The following BANK1 variants were observed in gnomAD, a reference collection of about 807,000 sequenced individuals.
BANK1 encodes the protein B cell scaffold protein with ankyrin repeats 1, also known as B-cell scaffold protein with ankyrin repeats.
A neutral mutation model predicts 94.5 loss-of-function variants in BANK1; 95 were observed. The ratio of observed to expected loss-of-function variants is 1.00; its 90% confidence interval spans 0.85 to 1.19. BANK1 has a LOEUF of 1.19. Among genes scored for constraint, BANK1 ranks in the 50% most tolerant of loss-of-function variants. The pLI is 0.00. For synonymous variants in BANK1, 334 were observed against 308.4 expected (o/e 1.08, Z -0.87); for missense variants, 987 against 932.2 (o/e 1.06, Z -0.77).
At chr4:102,026,875 A>T (rs1471562305) in intron 9 of BANK1, among the ~76,000 whole-genome samples, 1 of 151,748 alleles carries the variant, frequency 6.6e-6, no homozygotes, top group Admixed American at 6.6e-5. Flanking sequence ...AAGGCTCTCT[A>T]TGAAGACCCA....
At chr4:101,895,103 G>T (rs1722015869) in intron 5 of BANK1, among the ~76,000 whole-genome samples, 1 of 151,546 alleles carries the variant, frequency 6.6e-6, no homozygotes, top group Non-Finnish European at 1.5e-5. Flanking sequence ...TTTATTTCTT[G>T]AATCCATTTT....
intron 7 of BANK1, among the ~76,000 whole-genome samples, chr4:101,956,252 G>GA (rs1039440755): frequency 2.6e-5 from 4 of 152,074 alleles, no homozygotes; most frequent in East Asian, 3.9e-4. Flanking sequence ...CTCCTGCATG[G>GA]AAAAAAAGTG....
chr4:101,961,943 G>A (rs911040985), intron 7 of BANK1, among the ~76,000 whole-genome samples: 1 of 152,098 alleles, frequency 6.6e-6, no homozygotes, highest in African/African-American at 2.4e-5. Flanking sequence ...GCTTATATAA[G>A]TTCAGTCACC....
chr4:101,985,457 G>T lies in BANK1; in HGVS notation c.1207-36057G>T, dbSNP rs76514374. Among the ~76,000 whole-genome samples, 762 of 151,888 alleles carry T rather than the reference G, an allele frequency of 5.0e-3. 13 individuals carry two copies. The East Asian group carries it at 0.058, about 12-fold the overall frequency. On this transcript the variant is annotated intron_variant, in intron 7 of 16. Coordinates refer to ENST00000322953, the MANE Select transcript of BANK1 (RefSeq NM_017935.5). ...ATAAAATTAACAATCACTAAATCTG[G>T]TTTTTTTTAATTTAGTTTTCAAAAT... is the stretch of plus-strand genomic sequence containing the variant.
At chr4:101,915,201 A>G (rs938938025) in intron 6 of BANK1, among the ~76,000 whole-genome samples, 4 of 152,152 alleles carry the variant, frequency 2.6e-5, no homozygotes, top group African/African-American at 4.8e-5. Flanking sequence ...TGTTATGGTC[A>G]CCAATTGAAT....
chr4:101,970,479 C>G (rs1295558908), intron 7 of BANK1, among the ~76,000 whole-genome samples: 3 of 152,062 alleles, frequency 2.0e-5, no homozygotes, highest in African/African-American at 7.2e-5. Flanking sequence ...TCATTTTATT[C>G]TGTCTTTGTC....
chr4:101,908,033 T>G (rs959909271), intron 6 of BANK1, among the ~76,000 whole-genome samples: 1 of 152,188 alleles, frequency 6.6e-6, no homozygotes, highest in African/African-American at 2.4e-5. Context: ...AATGACTTTC[T>G]TCACAGAATT....
intron 10 of BANK1, among the ~76,000 whole-genome samples, chr4:102,037,264 C>A (rs1021108715): frequency 6.6e-6 from 1 of 152,164 alleles, no homozygotes; most frequent in African/African-American, 2.4e-5. Context: ...CACTGGACAG[C>A]CCCATAACAA....
intron 5 of BANK1, among the ~76,000 whole-genome samples, chr4:101,884,913 T>C (rs1208036099): frequency 1.3e-5 from 2 of 152,126 alleles, no homozygotes; most frequent in African/African-American, 4.8e-5. Context: ...TTTGTTTTGT[T>C]TTGTTTTTTT....
At chr4:101,885,837 A>C (rs571150105) in intron 5 of BANK1, among the ~76,000 whole-genome samples, 6 of 152,312 alleles carry the variant, frequency 3.9e-5, no homozygotes, top group African/African-American at 1.4e-4. Flanking sequence ...CTAGGCTAGG[A>C]GTATAGCCTG....
chr4:101,951,595 A>T (rs1256630227), intron 7 of BANK1, among the ~76,000 whole-genome samples: 2 of 152,120 alleles, frequency 1.3e-5, no homozygotes, highest in South Asian at 2.1e-4. Flanking sequence ...TCTTTGTAAG[A>T]AAAACAAATC....
chr4:102,063,818 C>CAAA (rs1205075236), intron 13 of BANK1, among the ~76,000 whole-genome samples: 12 of 71,350 alleles, frequency 1.7e-4, no homozygotes, highest in African/African-American at 5.6e-4. Context: ...GACTCTATCT[C>CAAA]AAAAAAAAAA....
chr4:101,810,891 A>G (rs1393090034), intron 1 of BANK1, among the ~76,000 whole-genome samples: 1 of 152,202 alleles, frequency 6.6e-6, no homozygotes, highest in East Asian at 1.9e-4. Context: ...AGCCTTTATT[A>G]TAGGTATCAT....
At chr4:101,860,257 G>A (rs1727816895) in intron 3 of BANK1, among the ~76,000 whole-genome samples, 4 of 152,070 alleles carry the variant, frequency 2.6e-5, no homozygotes, top group Admixed American at 2.0e-4. Flanking sequence ...ACCAAATACA[G>A]GGCCTTCTAA....
chr4:101,933,911 T>C (rs1723441123), intron 7 of BANK1, among the ~76,000 whole-genome samples: 1 of 151,478 alleles, frequency 6.6e-6, no homozygotes, highest in African/African-American at 2.4e-5. Flanking sequence ...CCCATAATTA[T>C]TGCTGGCTTT....
chr4:101,843,095 T>C (rs574922554), intron 2 of BANK1, among the ~76,000 whole-genome samples: 1 of 152,342 alleles, frequency 6.6e-6, no homozygotes, highest in Admixed American at 6.5e-5. Flanking sequence ...ATTTTCTTTT[T>C]CATACAGAAA....
chr4:102,002,402 G>T (rs1338270604), intron 7 of BANK1, among the ~76,000 whole-genome samples: 1 of 151,774 alleles, frequency 6.6e-6, no homozygotes, highest in Non-Finnish European at 1.5e-5. Flanking sequence ...CAAAGAAAGT[G>T]TGTAGTTTTG....
intron 5 of BANK1, among the ~76,000 whole-genome samples, chr4:101,891,892 AT>A (rs1721888920): frequency 6.6e-6 from 1 of 151,630 alleles, no homozygotes. Flanking sequence ...AAAGCTTTCT[AT>A]TTTTTATTTG....
chr4:102,041,177 G>A (rs1418648011), intron 10 of BANK1, among the ~76,000 whole-genome samples: 2 of 152,128 alleles, frequency 1.3e-5, no homozygotes, highest in African/African-American at 4.8e-5. Flanking sequence ...GTGTGGGGTG[G>A]CTGAACATAG....
Sources: gnomAD v4.1 joint callset for allele counts (sites outside exome capture counted in the v4.1 genomes callset) on GRCh38, gnomAD v4.1.1 for gene constraint, MANE v1.5 for transcripts, NCBI Gene and HGNC (gene_info 2026-07-23, HGNC 2026-07-21) for gene names.